Variants in APBB2 observed in about 807,000 individuals in gnomAD.
APBB2 encodes amyloid beta precursor protein binding family B member 2.
APBB2 carries 38 observed loss-of-function variants against 82.5 expected under a neutral mutation model. The observed-to-expected ratio is 0.46, with a 90% CI of 0.36 to 0.60. The LOEUF is 0.60. APBB2 is among the 20% of genes least tolerant of loss of function. The pLI is 0.00. For synonymous variants in APBB2, 341 were observed against 368.2 expected, an observed-to-expected ratio of 0.93 and a Z score of 0.85; for missense variants, 772 against 972.3, an observed-to-expected ratio of 0.79 and a Z score of 2.74.
In APBB2 at chr4:40,816,207, G is replaced by C; in HGVS notation, c.2165C>G (p.Pro722Arg). ...VARPPSQKVRPPPPPADSVTR... is the reference protein window; with the variant it reads ...VARPPSQKVRRPPPPADSVTR... ...TACTGAATCTGCTGGCGGTGGAGGT[G>C]GTCGAACTTTCTGAGAAGGCGGCCT... is the stretch of plus-strand genomic sequence containing the variant. Residue 722 changes from proline to arginine, a missense_variant, in exon 18 of 18, where the codon CCA becomes CGA. By Grantham distance (103) the Pro-to-Arg change is moderately radical (BLOSUM62 -2). Coordinates refer to ENST00000508593, the MANE Select transcript of APBB2 (RefSeq NM_004307.2). 1 of 1,614,162 alleles carries C rather than the reference G, an allele frequency of 6.2e-7. No homozygotes were observed. The highest frequency in any genetic ancestry group is 8.5e-7 in the Non-Finnish European group (1 of 1,180,036).
intron 1 of APBB2, chr4:41,194,213 TC>T: frequency 0.095 from 14,467 of 151,992 alleles, 1,864 homozygotes; most frequent in African/African-American, 0.29. Context: ...TCCCAGTTAC[TC>T]CGGGGGCTGA....
In APBB2 at chr4:40,835,224, C is replaced by T. The variant is rs188768607; in HGVS notation, c.1530-4647G>A. The stretch of plus-strand genomic sequence containing the variant: ...CCGGGAGGTGGAGGTTGCAGTGAGC[C>T]GAGATCGCGCCACTGCACTCCAGCC... On this transcript the variant is annotated intron_variant, in intron 12 of 17. Transcript: ENST00000508593. Among the ~76,000 whole-genome samples, 436 of 150,528 alleles carry T rather than the reference C, an allele frequency of 2.9e-3. 1 individual carries two copies. Among genetic ancestry groups the T allele is most frequent in the African/African-American group, 0.01 (416 of 40,896 alleles).
intron 2 of APBB2, among the ~76,000 whole-genome samples, chr4:41,138,480 C>T (rs1381738326): frequency 6.7e-6 from 1 of 148,338 alleles, no homozygotes; most frequent in African/African-American, 2.5e-5. Context: ...ATCATATATC[C>T]AATAAAGAGC....
intron 11 of APBB2, chr4:40,890,997 C>T (rs1323941275): frequency 6.5e-6 from 1 of 152,828 alleles, no homozygotes; most frequent in Non-Finnish European, 1.5e-5. Flanking sequence ...AGCTTTGTGA[C>T]ATTTCTCAGC....
chr4:40,955,757 C>T (rs1175557411), intron 6 of APBB2, among the ~76,000 whole-genome samples: 1 of 151,980 alleles, frequency 6.6e-6, no homozygotes, highest in African/African-American at 2.4e-5. Flanking sequence ...CCTCCCCTAA[C>T]CAAAACATAT....
chr4:41,114,331 A>T (rs1750217369), intron 2 of APBB2, among the ~76,000 whole-genome samples: 1 of 152,242 alleles, frequency 6.6e-6, no homozygotes, highest in Non-Finnish European at 1.5e-5. Context: ...TCAAAATAAT[A>T]AGAGTTATTT....
intron 4 of APBB2, among the ~76,000 whole-genome samples, chr4:41,060,398 C>T (rs1579660117): frequency 6.6e-6 from 1 of 152,060 alleles, no homozygotes; most frequent in Admixed American, 6.5e-5. Flanking sequence ...TTCATCCATT[C>T]GATATATATT....
At chr4:41,211,132 G>A (rs982551090) in intron 1 of APBB2, among the ~76,000 whole-genome samples, 3 of 151,974 alleles carry the variant, frequency 2.0e-5, no homozygotes, top group Non-Finnish European at 4.4e-5. Context: ...GCGGGCACCT[G>A]GAATCCCAGC....
At chr4:40,842,684 A>C (rs569372538) in intron 12 of APBB2, among the ~76,000 whole-genome samples, 31 of 152,388 alleles carry the variant, frequency 2.0e-4, no homozygotes, top group Non-Finnish European at 3.4e-4. Context: ...AACTGTTTGC[A>C]GTAAACACTG....
intron 1 of APBB2, among the ~76,000 whole-genome samples, chr4:41,159,829 T>C (rs1331200586): frequency 9.0e-6 from 1 of 111,606 alleles, no homozygotes; most frequent in Non-Finnish European, 1.8e-5. Context: ...CCAAAGAAAA[T>C]GAAAGCAAGC....
chr4:41,061,676 A>T (rs908743617), intron 4 of APBB2, among the ~76,000 whole-genome samples: 1 of 152,242 alleles, frequency 6.6e-6, no homozygotes, highest in African/African-American at 2.4e-5. Flanking sequence ...ATAAACACAA[A>T]TATCTGTATG....
At chr4:41,205,296 A>C (rs1411831431) in intron 1 of APBB2, among the ~76,000 whole-genome samples, 1 of 152,196 alleles carries the variant, frequency 6.6e-6, no homozygotes, top group East Asian at 1.9e-4. Flanking sequence ...CTAAGCAAGC[A>C]CTACCACCTG....
intron 1 of APBB2, among the ~76,000 whole-genome samples, chr4:41,206,204 G>A (rs141915790): frequency 0.011 from 1,682 of 152,296 alleles, 11 homozygotes; most frequent in Middle Eastern, 0.048. Context: ...TTGAGTTAAG[G>A]AAAGATGACA....
At chr4:40,921,125 GT>G (rs1310203193) in intron 10 of APBB2, among the ~76,000 whole-genome samples, 1 of 152,228 alleles carries the variant, frequency 6.6e-6, no homozygotes, top group African/African-American at 2.4e-5. Flanking sequence ...ATTTCCAGAA[GT>G]GGTGATAAAA....
chr4:41,006,154 C>T (rs935252995), intron 6 of APBB2, among the ~76,000 whole-genome samples: 11 of 152,186 alleles, frequency 7.2e-5, no homozygotes, highest in African/African-American at 2.4e-4. Context: ...AAAACACAAA[C>T]TGAACAAACT....
intron 6 of APBB2, among the ~76,000 whole-genome samples, chr4:40,996,387 C>A (rs1157659623): frequency 6.6e-6 from 1 of 152,152 alleles, no homozygotes; most frequent in Admixed American, 6.5e-5. Flanking sequence ...CCACCCCATC[C>A]TCATCTGATC....
chr4:40,997,216 G>C (rs1462851523), intron 6 of APBB2, among the ~76,000 whole-genome samples: 1 of 151,986 alleles, frequency 6.6e-6, no homozygotes, highest in Non-Finnish European at 1.5e-5. Context: ...ATTTGAGACT[G>C]ATTTCCCATC....
At chr4:40,993,629 C>T (rs181230995) in intron 6 of APBB2, among the ~76,000 whole-genome samples, 153 of 152,176 alleles carry the variant, frequency 1.0e-3, no homozygotes, top group African/African-American at 3.5e-3. Context: ...CTCAAGCAAT[C>T]CTCCTGCCTC....
chr4:40,961,663 G>C (rs139912339), intron 6 of APBB2, among the ~76,000 whole-genome samples: 1 of 4,382 alleles, frequency 2.3e-4, no homozygotes, highest in East Asian at 5.3e-3. Context: ...AAAAAAAAAA[G>C]ATGTAAAAAA....
Sources: allele counts gnomAD v4.1 joint callset (sites outside exome capture counted in the v4.1 genomes callset), GRCh38; gene constraint gnomAD v4.1.1; transcripts MANE v1.5; gene names NCBI Gene and HGNC (gene_info 2026-07-23, HGNC 2026-07-21).